PCID2: variants seen among roughly 807,000 people sequenced by gnomAD.
PCID2 encodes PCI domain containing 2.
A neutral mutation model predicts 61.3 loss-of-function variants in PCID2; 41 were observed. The ratio of observed to expected loss-of-function variants is 0.67; its 90% CI spans 0.52 to 0.87. PCID2 has a LOEUF of 0.87. Among genes scored for constraint, PCID2 ranks in the 40% least tolerant of loss-of-function variants. The pLI, the probability that PCID2 is intolerant of heterozygous loss-of-function variation, is 0.00. For missense variants in PCID2, 392 were observed against 493.4 expected (o/e 0.79, Z 1.95); for synonymous variants, 187 against 177.8 (o/e 1.05, Z -0.41).
chr13:113,194,181 C>G (rs922004818), intron 6 of PCID2, among the ~76,000 whole-genome samples: 1 of 152,146 alleles, frequency 6.6e-6, no homozygotes, highest in Non-Finnish European at 1.5e-5. Context: ...ACCCCCAGTC[C>G]GCACCACTTT....
chr13:113,190,554 C>T (rs1249002073), intron 7 of PCID2: 1 of 227,430 alleles, frequency 4.4e-6, no homozygotes, highest in African/African-American at 2.3e-5. Context: ...GATTCACTGC[C>T]CTCAGACCCT....
At chr13:113,207,770 A>T (rs1377513437) in intron 1 of PCID2, among the ~76,000 whole-genome samples, 1 of 152,132 alleles carries the variant, frequency 6.6e-6, no homozygotes, top group East Asian at 1.9e-4. Flanking sequence ...TCTCCCTCCA[A>T]ATCCACTCTA....
chr13:113,208,032 GAAC>G (rs748387368), intron 1 of PCID2: 267 of 1,612,566 alleles, frequency 1.7e-4, no homozygotes, highest in Admixed American at 8.5e-4. Context: ...ACAAGCTGTT[GAAC>G]AACATCTGTC....
Position 113,179,025 on chromosome 13 carries a change from G to C in PCID2, c.1051C>G (p.Gln351Glu). 6.2e-7 allele frequency: 1 copy of C among 1,613,528 alleles called. No individual in the cohort carries two copies. Among genetic ancestry groups the C allele is most frequent in the Non-Finnish European group, 8.5e-7 (1 of 1,179,488 alleles). The change falls in exon 13 of 14, where the codon CAG becomes GAG. Residue 351 changes from glutamine (Q) to glutamate (E), a missense_variant. Gln to Glu is a conservative substitution (Grantham distance 29). Around this residue, in one of 3 missense-constraint regions of PCID2, gnomAD observed 226 missense variants for 296.5 expected, o/e 0.76. Coordinates refer to ENST00000337344, the MANE Select transcript of PCID2 (RefSeq NM_001127202.4). The surrounding 1 kb of genome is among the most constrained non-coding windows in gnomAD (Gnocchi z 4.3). ...TCGTCAATGTCCACGTCCTCCACCT[G>C]CATGAACTTCAAGGCAACCAGAAAA... ...DAFLVALKFM[Q>E]VEDVDIDEVQ...
the PCID2 span, among the ~76,000 whole-genome samples, chr13:113,167,688 T>C: frequency 6.6e-6 from 1 of 152,212 alleles, no homozygotes; most frequent in Non-Finnish European, 1.5e-5. Flanking sequence ...ATAAATAAGG[T>C]ACATGTTTTA....
In PCID2 at chr13:113,179,896, AT is replaced by A. The variant is rs1566940524; in HGVS notation, c.986+20del. ...TGCCGAGAGCCACACTGGGAGCCCA[AT>A]GTGCCGGGGAAATGCTTACACTTTC... On this transcript the variant is annotated intron_variant, in intron 12 of 13. Transcript: ENST00000337344. This position sits in a 1 kb window ranked among gnomAD's most constrained non-coding sequence, Gnocchi z 4.3. 6.2e-7 allele frequency: 1 copy of A among 1,605,004 alleles called. No individual in the cohort carries two copies.
intron 1 of PCID2, chr13:113,208,355 C>T (rs1367165754): frequency 4.3e-5 from 61 of 1,432,800 alleles, no homozygotes; most frequent in Non-Finnish European, 4.9e-5. Flanking sequence ...ACTTACACCG[C>T]GACGACTCCG....
chr13:113,177,282 TATGCGCCACCACGCCCGGCTA>T (rs1313093511), downstream of PCID2, among the ~76,000 whole-genome samples: 1 of 152,062 alleles, frequency 6.6e-6, no homozygotes, highest in African/African-American at 2.4e-5. Context: ...GAATTACAGG[TATGCGCCACCACGCCCGGCTA>T]ATTTTGTATT....
chr13:113,166,490 G>A, the PCID2 span: 1 of 152,166 alleles, frequency 6.6e-6, no homozygotes, highest in Non-Finnish European at 1.5e-5. Flanking sequence ...ACTCTTACAA[G>A]ACAGCTGTGC....
intron 1 of PCID2, among the ~76,000 whole-genome samples, chr13:113,206,723 C>T (rs556076184): frequency 1.3e-5 from 2 of 152,356 alleles, no homozygotes; most frequent in South Asian, 4.1e-4. Context: ...CATGCCAGTT[C>T]AACCAGAAAT....
chr13:113,198,982 A>G (rs372088387), intron 2 of PCID2, among the ~76,000 whole-genome samples: 1 of 152,218 alleles, frequency 6.6e-6, no homozygotes, highest in Non-Finnish European at 1.5e-5. Context: ...TGAGACCACC[A>G]GTCTCATCTC....
chr13:113,187,338 T>G (rs2038207561), intron 7 of PCID2: 1 of 152,220 alleles, frequency 6.6e-6, no homozygotes, highest in Non-Finnish European at 1.5e-5. Context: ...GAGTGTCCCC[T>G]CAGGGTGGAA....
chr13:113,165,511 G>C, the PCID2 span, among the ~76,000 whole-genome samples: 1 of 152,142 alleles, frequency 6.6e-6, no homozygotes, highest in African/African-American at 2.4e-5. Flanking sequence ...GGCTGGTTTA[G>C]AAGTTAACCA....
At position 113,178,178 on chromosome 13, in the gene PCID2, C is replaced by G. The variant is rs756287458; in HGVS notation, c.*20G>C. On this transcript the variant is annotated 3_prime_UTR_variant, in exon 14 of 14. Transcript: ENST00000337344. ...TGGAAAGAAACAACTGCTCACCCGT[C>G]CTCGGGGCTCCGTGTACTTTCAACA... 1 of 1,592,802 alleles carries G rather than the reference C, an allele frequency of 6.3e-7. No individual in the cohort carries two copies. Among genetic ancestry groups the G allele is most frequent in the Non-Finnish European group, 8.6e-7 (1 of 1,160,996 alleles).
downstream of PCID2, among the ~76,000 whole-genome samples, chr13:113,174,037 A>C (rs1434723672): frequency 4.0e-5 from 6 of 150,792 alleles, no homozygotes; most frequent in Admixed American, 1.3e-4. Flanking sequence ...GACCAGCCTG[A>C]CCAACATGGT....
At chr13:113,206,659 G>A (rs2039862991) in intron 1 of PCID2, among the ~76,000 whole-genome samples, 1 of 152,308 alleles carries the variant, frequency 6.6e-6, no homozygotes, top group South Asian at 2.1e-4. Context: ...TATCGAAGAG[G>A]CACCTATTTT....
intron 7 of PCID2, chr13:113,186,762 T>G (rs1010369882): frequency 3.9e-5 from 6 of 152,002 alleles, no homozygotes; most frequent in African/African-American, 1.5e-4. Context: ...ACCCACAGGC[T>G]GCGCCACACA....
chr13:113,202,530 A>G (rs2039505369), intron 1 of PCID2, among the ~76,000 whole-genome samples: 2 of 152,252 alleles, frequency 1.3e-5, no homozygotes, highest in Non-Finnish European at 2.9e-5. Flanking sequence ...AAGGCACACT[A>G]TGCAACCATT....
rs756076160 is a variant in PCID2 at position 113,208,662 on chromosome 13, C to A, written c.-28G>T. On this transcript the variant is annotated 5_prime_UTR_variant, in exon 1 of 14. Coordinates refer to ENST00000337344, the MANE Select transcript of PCID2 (RefSeq NM_001127202.4). ...GAGCGCCGCCGAACGGAGAGCGCCACCCCCTACGCCTCAAGCGGGCCAGCT... is the reference window on the plus strand; with the variant it reads ...GAGCGCCGCCGAACGGAGAGCGCCAACCCCTACGCCTCAAGCGGGCCAGCT... 5.0e-6 allele frequency: 8 copies of A among 1,599,348 alleles called. No homozygotes were observed. Among genetic ancestry groups the A allele is most frequent in the Non-Finnish European group, 6.8e-6 (8 of 1,173,840 alleles).
Sources: gnomAD v4.1 joint callset for allele counts (sites outside exome capture counted in the v4.1 genomes callset) on GRCh38, gnomAD v4.1.1 for gene constraint, gnomAD v4.1.1 regional missense constraint, Gnocchi (gnomAD v3.1) non-coding constraint, MANE v1.5 for transcripts, NCBI Gene and HGNC (gene_info 2026-07-23, HGNC 2026-07-21) for gene names.